The following BACH2 variants were observed in gnomAD, a reference collection of about 807,000 sequenced individuals.
BACH2 encodes the protein transcription regulator protein BACH2.
In BACH2, 5 loss-of-function variants were observed where a neutral mutation model predicts 61.8. The observed-to-expected ratio is 0.08, with a 90% CI of 0.04 to 0.17. The LOEUF is 0.17. Among genes scored for constraint, BACH2 ranks in the 10% least tolerant of loss-of-function variants. BACH2 has a pLI of 1.00. For synonymous variants in BACH2, 446 were observed against 440.1 expected, an observed-to-expected ratio of 1.01 and a Z score of -0.17; for missense variants, 824 against 1,091.1, an observed-to-expected ratio of 0.76 and a Z score of 3.45.
intron 5 of BACH2, among the ~76,000 whole-genome samples, chr6:90,054,276 C>T (rs769100386): frequency 1.5e-4 from 23 of 152,208 alleles, no homozygotes; most frequent in East Asian, 3.9e-4. Flanking sequence ...CCTAATACTG[C>T]GCTTTTCAAA....
At chr6:90,103,463 C>T (rs777268697) in intron 4 of BACH2, among the ~76,000 whole-genome samples, 8 of 151,992 alleles carry the variant, frequency 5.3e-5, no homozygotes, top group Non-Finnish European at 1.0e-4. Flanking sequence ...TGACAAAAAT[C>T]GAGAAACAAT....
intron 5 of BACH2, among the ~76,000 whole-genome samples, chr6:90,009,639 C>T (rs1777600089): frequency 1.3e-5 from 2 of 152,156 alleles, no homozygotes; most frequent in Non-Finnish European, 2.9e-5. Context: ...AGGTTCTTTG[C>T]TTTAAAAAAT....
At chr6:90,188,192 G>A (rs1408762985) in intron 4 of BACH2, among the ~76,000 whole-genome samples, 1 of 152,166 alleles carries the variant, frequency 6.6e-6, no homozygotes, top group Admixed American at 6.5e-5. Flanking sequence ...TGATATAAAT[G>A]TGTTCTAATT....
At chr6:90,274,987 C>T (rs950812097) in intron 1 of BACH2, among the ~76,000 whole-genome samples, 1 of 152,204 alleles carries the variant, frequency 6.6e-6, no homozygotes, top group Non-Finnish European at 1.5e-5. Flanking sequence ...TGGGTCCAAA[C>T]GCAGGGAGGA....
intron 6 of BACH2, among the ~76,000 whole-genome samples, chr6:89,967,993 T>C (rs1336837048): frequency 6.6e-6 from 1 of 152,224 alleles, no homozygotes; most frequent in East Asian, 1.9e-4. Context: ...ATCTACTCCC[T>C]TTTCAGTCTC....
intron 5 of BACH2, among the ~76,000 whole-genome samples, chr6:90,058,297 A>G (rs1039148615): frequency 2.0e-5 from 3 of 152,186 alleles, no homozygotes; most frequent in African/African-American, 4.8e-5. Flanking sequence ...AAATCAATGT[A>G]CAAAATCCAC....
At chr6:89,958,608 A>G (rs1488895502) in intron 6 of BACH2, among the ~76,000 whole-genome samples, 2 of 152,182 alleles carry the variant, frequency 1.3e-5, no homozygotes, top group Non-Finnish European at 2.9e-5. Flanking sequence ...GACTGGGGAG[A>G]CAGATGTTCA....
chr6:90,154,559 A>C (rs1784929163), intron 4 of BACH2, among the ~76,000 whole-genome samples: 1 of 152,122 alleles, frequency 6.6e-6, no homozygotes, highest in Non-Finnish European at 1.5e-5. Context: ...TAGGTTCAGA[A>C]CCCAAAAAGT....
chr6:90,257,921 G>A (rs945873163), intron 2 of BACH2, among the ~76,000 whole-genome samples: 1 of 152,046 alleles, frequency 6.6e-6, no homozygotes, highest in Non-Finnish European at 1.5e-5. Context: ...AATTACAGGT[G>A]TGCGCCACCA....
intron 6 of BACH2, among the ~76,000 whole-genome samples, chr6:89,965,811 T>C (rs925426104): frequency 6.6e-6 from 1 of 152,210 alleles, no homozygotes; most frequent in African/African-American, 2.4e-5. Flanking sequence ...TGGAAGCAAG[T>C]AGCTTGACAC....
chr6:89,933,804 G>C (rs1254217553), intron 8 of BACH2, among the ~76,000 whole-genome samples: 1 of 150,464 alleles, frequency 6.6e-6, no homozygotes, highest in Admixed American at 6.6e-5. Context: ...TGGGGAACAT[G>C]GCAAAACCCC....
At chr6:89,947,637 C>T (rs929360996) in intron 7 of BACH2, among the ~76,000 whole-genome samples, 2 of 151,862 alleles carry the variant, frequency 1.3e-5, no homozygotes, top group Non-Finnish European at 2.9e-5. Flanking sequence ...GCGATCTCGG[C>T]TCACTGCAAG....
At chr6:89,983,715 C>T (rs1264791373) in intron 6 of BACH2, among the ~76,000 whole-genome samples, 2 of 152,144 alleles carry the variant, frequency 1.3e-5, no homozygotes, top group East Asian at 1.9e-4. Context: ...TAGTCACACA[C>T]GTGGCTACTG....
chr6:90,145,868 G>A (rs1053482732), intron 4 of BACH2, among the ~76,000 whole-genome samples: 3 of 152,182 alleles, frequency 2.0e-5, no homozygotes, highest in African/African-American at 7.2e-5. Flanking sequence ...GAAGGCAGCT[G>A]GGGAGAAACC....
chr6:90,288,962 GTTATATGCCTAGTACTTCTTTTGCCT>G (rs948157510), intron 1 of BACH2, among the ~76,000 whole-genome samples: 3 of 152,190 alleles, frequency 2.0e-5, no homozygotes, highest in African/African-American at 7.2e-5. Flanking sequence ...TGGTATTTCA[GTTATATGCCTAGTACTTCTTTTGCCT>G]TTATATGCAT....
intron 4 of BACH2, among the ~76,000 whole-genome samples, chr6:90,118,253 G>A (rs139797107): frequency 2.0e-5 from 3 of 152,288 alleles, no homozygotes; most frequent in African/African-American, 7.2e-5. Context: ...CAGGGACAAT[G>A]GCTTCACACA....
At chr6:90,290,747 G>GAACCCAA (rs1772153825) in intron 1 of BACH2, among the ~76,000 whole-genome samples, 3 of 152,222 alleles carry the variant, frequency 2.0e-5, no homozygotes, top group Admixed American at 6.5e-5. Flanking sequence ...GGAAAGTCTT[G>GAACCCAA]AGGAAATTCC....
chr6:90,290,057 T>C (rs965782735), intron 1 of BACH2, among the ~76,000 whole-genome samples: 1 of 152,252 alleles, frequency 6.6e-6, no homozygotes, highest in African/African-American at 2.4e-5. Flanking sequence ...TTCTGGACTC[T>C]GTATACAGGA....
At chr6:90,032,677 G>C (rs1350134666) in intron 5 of BACH2, among the ~76,000 whole-genome samples, 2 of 152,164 alleles carry the variant, frequency 1.3e-5, no homozygotes, top group Non-Finnish European at 2.9e-5. Context: ...ACATTGGTTA[G>C]AATGGCCATC....
Sources: gnomAD v4.1 joint callset for allele counts (sites outside exome capture counted in the v4.1 genomes callset) on GRCh38, gnomAD v4.1.1 for gene constraint, MANE v1.5 for transcripts, NCBI Gene and HGNC (gene_info 2026-07-23, HGNC 2026-07-21) for gene names.